Variants in CCDC34 observed in about 807,000 individuals in gnomAD.
CCDC34 encodes the protein coiled-coil domain containing 34, also known as coiled-coil domain-containing protein 34.
Under a neutral mutation model 44.1 loss-of-function variants are expected in CCDC34, and 40 were observed. The ratio of observed to expected loss-of-function variants is 0.91; its 90% CI spans 0.70 to 1.18. CCDC34 has a LOEUF of 1.18. CCDC34 is among the 50% of genes most tolerant of loss of function. CCDC34 has a pLI of 0.00. For missense variants in CCDC34, 466 were observed against 452.3 expected (o/e 1.03, Z -0.28); for synonymous variants, 159 against 158.2 (o/e 1.01, Z -0.04).
rs188340884 is a variant in CCDC34, at chr11:27,360,493, G to A, written c.359+2343C>T. 6.8e-3 allele frequency among the ~76,000 whole-genome samples: 1,040 copies of A among 152,254 alleles called. 16 individuals carry two copies. Among genetic ancestry groups the A allele is most frequent in the Non-Finnish European group, 7.5e-3 (508 of 68,026 alleles). On this transcript the variant is annotated intron_variant, in intron 1 of 5. Coordinates refer to ENST00000328697, the MANE Select transcript of CCDC34 (RefSeq NM_030771.2). ...CCAGTCAGATCAATATGGCAGGTGA[G>A]GCATGGAGAAAAGGCATAAAATCCC...
chr11:27,358,727 C>T (rs1001912851), intron 1 of CCDC34, among the ~76,000 whole-genome samples: 1 of 152,178 alleles, frequency 6.6e-6, no homozygotes, highest in African/African-American at 2.4e-5. Context: ...GCCAGACCGT[C>T]ATCTTGAGTT....
intron 1 of CCDC34, among the ~76,000 whole-genome samples, chr11:27,361,006 T>G (rs890647232): frequency 3.3e-5 from 5 of 152,244 alleles, no homozygotes; most frequent in African/African-American, 9.6e-5. Context: ...TCTGAAGCAT[T>G]TGACAATAAT....
intron 1 of CCDC34, among the ~76,000 whole-genome samples, chr11:27,359,548 G>A (rs1356922320): frequency 6.6e-6 from 1 of 151,638 alleles, no homozygotes; most frequent in African/African-American, 2.4e-5. Context: ...GAGTGCAGTG[G>A]CGCGATCTCC....
rs768322256 is a variant in CCDC34, at chr11:27,340,768, ATTC to A, written c.832_834del (p.Glu278del). 8.1e-6 allele frequency: 13 copies of A among 1,613,866 alleles called. No individual in the cohort carries two copies. The highest frequency in any genetic ancestry group is 9.3e-6 in the Non-Finnish European group (11 of 1,179,856). ...GGTTTATGTTTCGCATTTTCCAACC[ATTC>A]TTGAAACTTTTTTTCTGCTATTTCC... On this transcript the variant is annotated inframe_deletion, in exon 5 of 6. Coordinates refer to ENST00000328697, the MANE Select transcript of CCDC34 (RefSeq NM_030771.2).
At chr11:27,357,724 T>G (rs1862599497) in intron 1 of CCDC34, among the ~76,000 whole-genome samples, 183 bp from the exon 2 acceptor site, 1 of 152,246 alleles carries the variant, frequency 6.6e-6, no homozygotes, top group Non-Finnish European at 1.5e-5. Flanking sequence ...ATTCTAATAT[T>G]TGAATTAGTT....
chr11:27,357,673 G>T, intron 1 of CCDC34, 132 bp from the exon 2 acceptor site: 1 of 696,266 alleles, frequency 1.4e-6, no homozygotes, highest in Non-Finnish European at 2.2e-6. Flanking sequence ...AAATATACAG[G>T]AATTATACAT....
At chr11:27,342,115 T>C (rs1862368506) in intron 3 of CCDC34, among the ~76,000 whole-genome samples, 1 of 152,114 alleles carries the variant, frequency 6.6e-6, no homozygotes, top group African/African-American at 2.4e-5. Context: ...TAAACTTCTT[T>C]CTTTTGTAAA....
chr11:27,348,395 G>C (rs1288220190), intron 3 of CCDC34, among the ~76,000 whole-genome samples: 2 of 152,070 alleles, frequency 1.3e-5, no homozygotes, highest in Non-Finnish European at 2.9e-5. Flanking sequence ...TAAAAGTAAA[G>C]GACCTTTTAC....
At chr11:27,359,550 G>A (rs1208833999) in intron 1 of CCDC34, among the ~76,000 whole-genome samples, 2 of 151,196 alleles carry the variant, frequency 1.3e-5, no homozygotes, top group South Asian at 2.1e-4. Context: ...GTGCAGTGGC[G>A]CGATCTCCGC....
At position 27,338,671 on chromosome 11, in the gene CCDC34, C is replaced by T. The variant is rs1487965437; in HGVS notation, c.*150G>A. On this transcript the variant is annotated 3_prime_UTR_variant, in exon 6 of 6. Coordinates refer to ENST00000328697, the MANE Select transcript of CCDC34 (RefSeq NM_030771.2). ...AAACCAAAATCCAGAAAATATCTTC[C>T]TCAACTCTAAGGACTCCATATACAA... The T allele has an allele frequency of 1.6e-6, 1 of 624,034 alleles. No individual in the cohort carries two copies. Among genetic ancestry groups the T allele is most frequent in the African/African-American group, 1.9e-5 (1 of 51,710 alleles). The allele number at this position is 624,034 out of a possible 1,614,324, so 38.7% of individuals were successfully genotyped here.
At chr11:27,343,055 T>C (rs1008571475) in intron 3 of CCDC34, among the ~76,000 whole-genome samples, 1 of 151,970 alleles carries the variant, frequency 6.6e-6, no homozygotes, top group Non-Finnish European at 1.5e-5. Flanking sequence ...CCAACAAACA[T>C]CAGTTATAGA....
intron 1 of CCDC34, among the ~76,000 whole-genome samples, chr11:27,359,490 T>C (rs972095985): frequency 2.0e-5 from 3 of 151,864 alleles, no homozygotes; most frequent in African/African-American, 7.3e-5. Flanking sequence ...TTTTTTTCTT[T>C]TTTTTTTCTT....
chr11:27,346,541 A>G (rs1244459370), intron 3 of CCDC34, among the ~76,000 whole-genome samples: 4 of 152,046 alleles, frequency 2.6e-5, no homozygotes, highest in Admixed American at 1.3e-4. Context: ...GGGAAGAAAT[A>G]TTTGCAATAC....
chr11:27,351,837 A>C (rs1476647994), intron 2 of CCDC34, among the ~76,000 whole-genome samples: 1 of 152,190 alleles, frequency 6.6e-6, no homozygotes, highest in Non-Finnish European at 1.5e-5. Context: ...CAGTGAAAAG[A>C]TGGCTTCGAA....
At chr11:27,341,368 A>G (rs750793174) in intron 4 of CCDC34, 24 bp downstream of exon 4, 2 of 1,399,236 alleles carry the variant, frequency 1.4e-6, no homozygotes, top group African/African-American at 2.9e-5. Context: ...TATGTATTCT[A>G]ACTGGTCACT....
In CCDC34 at chr11:27,357,632, A is replaced by G. The variant is rs1009857390; in HGVS notation, c.360-91T>C. 11 of 1,086,640 alleles carry G rather than the reference A, an allele frequency of 1.0e-5. 1 individual carries two copies. The Admixed American group carries it at 2.5e-4, about 25-fold the overall frequency. The allele number at this position is 1,086,640 out of a possible 1,614,324, so 67.3% of individuals were successfully genotyped here. On this transcript the variant is annotated intron_variant, in intron 1 of 5. Coordinates refer to ENST00000328697, the MANE Select transcript of CCDC34 (RefSeq NM_030771.2). ...TAACTGTACAGTAAAAGCAAAACTTAATAGTGTATTTTCAATATTGTGATT... is the reference window on the plus strand; with the variant it reads ...TAACTGTACAGTAAAAGCAAAACTTGATAGTGTATTTTCAATATTGTGATT...
Position 27,338,772 on chromosome 11 carries a change from T to C in CCDC34, c.*49A>G. The C allele has an allele frequency of 6.7e-7, 1 of 1,492,198 alleles. No individual in the cohort carries two copies. Among genetic ancestry groups the C allele is most frequent in the Non-Finnish European group, 9.2e-7 (1 of 1,082,594 alleles). The allele number at this position is 1,492,198 out of a possible 1,614,324, so 92.4% of individuals were successfully genotyped here. On this transcript the variant is annotated 3_prime_UTR_variant, in exon 6 of 6. Coordinates refer to ENST00000328697, the MANE Select transcript of CCDC34 (RefSeq NM_030771.2). ...CTGAGCAGTAAAAAACAATTTCTGA[T>C]TTTTAAATTAAATAGCTCCAGATAA...
intron 3 of CCDC34, among the ~76,000 whole-genome samples, chr11:27,347,321 A>G (rs1449092804): frequency 2.0e-5 from 3 of 152,232 alleles, no homozygotes; most frequent in Admixed American, 1.3e-4. Context: ...TTATAAAGTT[A>G]AACACATACT....
In CCDC34 at chr11:27,350,409, C is replaced by A. The variant is rs776561161; in HGVS notation, c.529G>T (p.Glu177Ter). 1.2e-6 allele frequency: 2 copies of A among 1,609,374 alleles called. No individual in the cohort carries two copies. Among genetic ancestry groups the A allele is most frequent in the Middle Eastern group, 1.7e-4 (1 of 6,050 alleles). The change falls in exon 3 of 6, where the codon GAA becomes TAA. Residue 177 changes from glutamate (E) to a stop codon, truncating the protein, a stop_gained. Coordinates refer to ENST00000328697, the MANE Select transcript of CCDC34 (RefSeq NM_030771.2). LOFTEE classifies it high-confidence loss of function. ...TTTCTTTTTTCACGTTCTTCCATTT[C>A]TTTTCTTTTTTCTAGTTGTTGATTT... The part of the protein sequence containing the change: ...ELNQQLEKRK[E>*]MEEREKRKII...
Sources: gnomAD v4.1 joint callset for allele counts (sites outside exome capture counted in the v4.1 genomes callset) on GRCh38, gnomAD v4.1.1 for gene constraint, MANE v1.5 for transcripts, NCBI Gene and HGNC (gene_info 2026-07-23, HGNC 2026-07-21) for gene names.